Variants in KNL1 observed in about 807,000 individuals in gnomAD.
KNL1 encodes kinetochore scaffold 1, also known as outer kinetochore KNL1 complex subunit KNL1.
In KNL1, 66 loss-of-function variants were observed where a neutral mutation model predicts 201.3. The observed-to-expected ratio is 0.33, with a 90% CI of 0.27 to 0.40. The LOEUF (loss-of-function observed/expected upper bound fraction) is 0.40, where lower values mean the gene tolerates loss of function less well. Among genes scored for constraint, KNL1 ranks in the 10% least tolerant of loss-of-function variants. The pLI is 1.00. For synonymous variants in KNL1, 895 were observed against 899.2 expected (o/e 1.00, Z 0.08); for missense variants, 2,815 against 2,690.5 (o/e 1.05, Z -1.02).
At chr15:40,634,374 G>T (rs947992994) in intron 13 of KNL1, among the ~76,000 whole-genome samples, 1 of 152,152 alleles carries the variant, frequency 6.6e-6, no homozygotes, top group Admixed American at 6.5e-5. Context: ...CAAAGTGCTG[G>T]GATTACAGGC....
At chr15:40,632,405 T>C (rs1217949788) in intron 13 of KNL1, among the ~76,000 whole-genome samples, 2 of 152,000 alleles carry the variant, frequency 1.3e-5, no homozygotes, top group African/African-American at 4.8e-5. Flanking sequence ...CCCTAGGAAT[T>C]TGAGACCAGA....
At chr15:40,605,675 C>G (rs1891948157) in intron 3 of KNL1, among the ~76,000 whole-genome samples, 2 of 152,130 alleles carry the variant, frequency 1.3e-5, no homozygotes, top group Non-Finnish European at 2.9e-5. Context: ...GTCTCAAACT[C>G]CTGGCCTCAA....
intron 14 of KNL1, among the ~76,000 whole-genome samples, chr15:40,644,532 G>A (rs1893327942): frequency 6.6e-6 from 1 of 152,170 alleles, no homozygotes; most frequent in Non-Finnish European, 1.5e-5. Context: ...ACGGGTGTCG[G>A]GCTGGGGGAC....
rs1002763916 is a variant in KNL1, at chr15:40,622,867, A to G, written c.2603A>G (p.Asp868Gly). The G allele has an allele frequency of 9.9e-6, 16 of 1,613,192 alleles. No homozygotes were observed. The highest frequency in any genetic ancestry group is 2.2e-5 in the South Asian group (2 of 91,050). ...IDKTIVFSED[D>G]KNDMDITKSY... ...AAGACTATTGTATTTTCAGAAGACG[A>G]TAAGAATGATATGGATATCACTAAG... Residue 868 changes from aspartate to glycine, a missense_variant, in exon 10 of 26, where the codon GAT (aspartate) becomes GGT (glycine). Transcript: ENST00000399668.
At chr15:40,635,564 G>A (rs1478685456) in intron 13 of KNL1, among the ~76,000 whole-genome samples, 1 of 152,006 alleles carries the variant, frequency 6.6e-6, no homozygotes, top group Admixed American at 6.6e-5. Flanking sequence ...GTGTTGGTCA[G>A]GCTGGTCTCA....
chr15:40,620,941 A>T lies in KNL1; in HGVS notation c.677A>T (p.Lys226Ile). 1 of 1,605,328 alleles carries T rather than the reference A, an allele frequency of 6.2e-7. No homozygotes were observed. The highest frequency in any genetic ancestry group is 8.5e-7 in the Non-Finnish European group (1 of 1,177,776). The change falls in exon 10 of 26, where the codon AAA becomes ATA. Residue 226 changes from lysine to isoleucine, a missense_variant. Transcript: ENST00000399668. ...TTCATAAAAAGATTGAAAACAGGAA[A>T]ATGTAGTGCTTTTCCTGATGTGCCT... ...NDFIKRLKTG[K>I]CSAFPDVPDK...
chr15:40,628,503 A>G, intron 11 of KNL1, 108 bp from the exon 12 acceptor site: 1 of 798,964 alleles, frequency 1.3e-6, no homozygotes, highest in Non-Finnish European at 2.1e-6. Context: ...CTTCCCAGAA[A>G]GATCCCAATG....
intron 13 of KNL1, among the ~76,000 whole-genome samples, chr15:40,639,531 G>A (rs968255554): frequency 1.3e-5 from 2 of 148,902 alleles, no homozygotes; most frequent in Non-Finnish European, 3.0e-5. Flanking sequence ...GTTGCAATGA[G>A]CTGAGATCAC....
chr15:40,641,453 C>G (rs984276551), intron 14 of KNL1, among the ~76,000 whole-genome samples: 1 of 152,156 alleles, frequency 6.6e-6, no homozygotes, highest in Non-Finnish European at 1.5e-5. Context: ...TAGAGATTTA[C>G]GCAAGTTGAG....
rs1595945427 is a variant in KNL1, at chr15:40,650,702, G to A, written c.6212+119G>A. The A allele has an allele frequency of 7.1e-6, 6 of 847,988 alleles. No homozygotes were observed. The East Asian group carries it at 1.8e-4, about 26-fold the overall frequency. The allele number at this position is 847,988 out of a possible 1,614,324, so 52.5% of individuals were successfully genotyped here. A position where few individuals can be genotyped will look rare whatever the true frequency, so the allele number is the denominator to read the frequency against. On this transcript the variant is annotated intron_variant, in intron 19 of 25. Transcript: ENST00000399668. ...ATGAGTCTTGATTGAGGCTGACTCA[G>A]GGCTTCTCCACTTTGAATGGAAACC...
chr15:40,629,247 A>C, intron 12 of KNL1, 26 bp from the exon 13 acceptor site: 9 of 1,394,468 alleles, frequency 6.5e-6, no homozygotes, highest in Non-Finnish European at 8.9e-6. Context: ...TTGAATGGTC[A>C]TGCAAACTTT....
At chr15:40,661,271 T>C (rs901310735) in intron 25 of KNL1, among the ~76,000 whole-genome samples, 3 of 151,852 alleles carry the variant, frequency 2.0e-5, no homozygotes, top group African/African-American at 7.3e-5. Flanking sequence ...GGTGGGTGGA[T>C]CATGAGGTCA....
intron 14 of KNL1, among the ~76,000 whole-genome samples, chr15:40,644,199 A>G (rs1245040216): frequency 6.6e-6 from 1 of 152,220 alleles, no homozygotes; most frequent in Non-Finnish European, 1.5e-5. Context: ...AATAAGGACA[A>G]AAACATGTAA....
intron 13 of KNL1, among the ~76,000 whole-genome samples, chr15:40,634,866 TC>T (rs1052413565): frequency 1.3e-5 from 2 of 152,088 alleles, no homozygotes; most frequent in East Asian, 1.9e-4. Flanking sequence ...TCCTCCCAGG[TC>T]TTGCTGAAGT....
At position 40,624,633 on chromosome 15, in the gene KNL1, C is replaced by G. The variant is rs367549871; in HGVS notation, c.4369C>G (p.Gln1457Glu). Residue 1457 changes from glutamine (Q) to glutamate (E), a missense_variant, in exon 10 of 26, where the codon CAG becomes GAG. Transcript: ENST00000399668. ...CCAACCTCCATTACCTAAAAAAGGA[C>G]AGAGTAGTATCAATAAAGAAGAAGT... ...TDQPPLPKKGQSSINKEEVIL... is the reference protein window; with the variant it reads ...TDQPPLPKKGESSINKEEVIL... 3.8e-5 allele frequency: 62 copies of G among 1,613,694 alleles called. No homozygotes were observed. Among genetic ancestry groups the G allele is most frequent in the Non-Finnish European group, 5.1e-5 (60 of 1,179,852 alleles).
intron 13 of KNL1, among the ~76,000 whole-genome samples, chr15:40,631,436 A>C (rs1355345678): frequency 6.6e-6 from 1 of 152,146 alleles, no homozygotes; most frequent in African/African-American, 2.4e-5. Flanking sequence ...AAAGCCTTAG[A>C]TATCTTTGTT....
chr15:40,624,576 T>C lies in KNL1; in HGVS notation c.4312T>C (p.Tyr1438His). ...AATGAAAGTCTATGTTGATGACATT[T>C]ATGTTATTCCTCAGCCTCATTTCTC... ...DQMKVYVDDIYVIPQPHFSTD... is the reference protein window; with the variant it reads ...DQMKVYVDDIHVIPQPHFSTD... The change falls in exon 10 of 26, where the codon TAT becomes CAT. Residue 1438 changes from tyrosine (Y) to histidine (H), a missense_variant. By Grantham distance (83) the Tyr-to-His change is moderately conservative. This residue lies in a region of KNL1 where 2,464 missense variants were observed against 2,291.7 expected (regional missense o/e 1.08). Transcript: ENST00000399668. 6.2e-7 allele frequency: 1 copy of C among 1,613,926 alleles called. No homozygotes were observed. Among genetic ancestry groups the C allele is most frequent in the Non-Finnish European group, 8.5e-7 (1 of 1,179,832 alleles).
rs763377145 is a variant in KNL1, at chr15:40,623,527, T to G, written c.3263T>G (p.Ile1088Ser). The stretch of plus-strand genomic sequence containing the variant: ...GAGAATCATAAAAATGATATGGATA[T>G]TACCCAGAGTTGTATGGTGGAAATA... ...FSENHKNDMD[I>S]TQSCMVEIDN... The change falls in exon 10 of 26, where the codon ATT (isoleucine) becomes AGT (serine). Residue 1088 changes from isoleucine to serine, a missense_variant. Physicochemically the swap from Ile to Ser is moderately radical, Grantham distance 142 (BLOSUM62 -2). Transcript: ENST00000399668. The G allele has an allele frequency of 6.2e-7, 1 of 1,613,532 alleles. No individual in the cohort carries two copies. The highest frequency in any genetic ancestry group is 8.5e-7 in the Non-Finnish European group (1 of 1,179,834).
intron 17 of KNL1, among the ~76,000 whole-genome samples, chr15:40,647,592 G>T (rs563754465): frequency 6.6e-6 from 1 of 152,204 alleles, no homozygotes; most frequent in South Asian, 2.1e-4. Flanking sequence ...GTAATTTTGT[G>T]TTTTTTAATA....
Sources: allele counts gnomAD v4.1 joint callset (sites outside exome capture counted in the v4.1 genomes callset), GRCh38; gene constraint gnomAD v4.1.1; regional missense constraint gnomAD v4.1.1; transcripts MANE v1.5; gene names NCBI Gene and HGNC (gene_info 2026-07-23, HGNC 2026-07-21).